The following MACROD2 variants were observed in gnomAD, a reference collection of about 807,000 sequenced individuals.
MACROD2 encodes mono-ADP ribosylhydrolase 2.
A neutral mutation model predicts 70.4 loss-of-function variants in MACROD2; 36 were observed. The ratio of observed to expected loss-of-function variants is 0.51; its 90% CI spans 0.39 to 0.68. The LOEUF is 0.68. Ranked by LOEUF, MACROD2 falls within the 30% of genes least tolerant of loss-of-function variation. The probability of loss-of-function intolerance (pLI) is 0.00; values close to 1 mark genes in which losing one functional copy is unlikely to be tolerated. For synonymous variants in MACROD2, 172 were observed against 178.8 expected (o/e 0.96, Z 0.30); for missense variants, 496 against 538.4 (o/e 0.92, Z 0.78).
chr20:15,068,400 T>A (rs1404365426), intron 5 of MACROD2, among the ~76,000 whole-genome samples: 1 of 152,214 alleles, frequency 6.6e-6, no homozygotes, highest in Non-Finnish European at 1.5e-5. Context: ...AGAAATGTTT[T>A]GTGAACAAAT....
At chr20:15,481,685 TAA>T (rs571250513) in intron 7 of MACROD2, among the ~76,000 whole-genome samples, 1 of 145,246 alleles carries the variant, frequency 6.9e-6, no homozygotes, top group African/African-American at 2.5e-5. Flanking sequence ...AAATAAACAT[TAA>T]AAAAAAAAAA....
intron 7 of MACROD2, among the ~76,000 whole-genome samples, chr20:15,461,006 A>ATATATATATATATATATTTT: frequency 2.3e-3 from 156 of 66,878 alleles, no homozygotes; most frequent in Middle Eastern, 8.8e-3. Flanking sequence ...ATATATATAT[A>ATATATATATATATATATTTT]TTTTTTTTTA....
At chr20:15,424,574 G>A (rs1193522709) in intron 6 of MACROD2, among the ~76,000 whole-genome samples, 1 of 152,120 alleles carries the variant, frequency 6.6e-6, no homozygotes, top group Non-Finnish European at 1.5e-5. Flanking sequence ...AAACAAATTA[G>A]CCAGATGTGG....
chr20:15,061,627 C>G (rs1400093547), intron 5 of MACROD2, among the ~76,000 whole-genome samples: 1 of 152,168 alleles, frequency 6.6e-6, no homozygotes, highest in African/African-American at 2.4e-5. Context: ...AATGCCTTCT[C>G]CATGGCTCTT....
intron 5 of MACROD2, among the ~76,000 whole-genome samples, chr20:14,890,811 G>A (rs1183050323): frequency 1.3e-5 from 2 of 151,052 alleles, no homozygotes; most frequent in African/African-American, 4.9e-5. Flanking sequence ...AAGAAATTCT[G>A]TTGAAAGGTA....
chr20:15,259,266 G>A (rs1039200889), intron 6 of MACROD2, among the ~76,000 whole-genome samples: 4 of 151,990 alleles, frequency 2.6e-5, no homozygotes, highest in African/African-American at 9.7e-5. Flanking sequence ...TCCTCACTGG[G>A]CTTTGTTAAG....
At chr20:14,402,359 CT>C (rs1310714425) in intron 3 of MACROD2, among the ~76,000 whole-genome samples, 2 of 152,166 alleles carry the variant, frequency 1.3e-5, no homozygotes, top group Non-Finnish European at 2.9e-5. Context: ...CATTCATTTG[CT>C]GCTCATCCTT....
At chr20:14,883,678 G>C (rs961089301) in intron 5 of MACROD2, among the ~76,000 whole-genome samples, 10 of 151,990 alleles carry the variant, frequency 6.6e-5, no homozygotes, top group Admixed American at 6.6e-4. Context: ...CATGCATATA[G>C]TGTCCCCTGA....
chr20:15,405,833 T>C (rs1458858768), intron 6 of MACROD2, among the ~76,000 whole-genome samples: 1 of 152,208 alleles, frequency 6.6e-6, no homozygotes, highest in Non-Finnish European at 1.5e-5. Flanking sequence ...TGTAATTCTT[T>C]CACTCAGTTG....
intron 5 of MACROD2, among the ~76,000 whole-genome samples, chr20:15,149,071 C>T (rs2076250653): frequency 6.6e-6 from 1 of 151,974 alleles, no homozygotes; most frequent in Admixed American, 6.6e-5. Flanking sequence ...AAGTGTCTAC[C>T]TAGACTAAGA....
At chr20:14,073,793 A>G (rs1194003752) in intron 2 of MACROD2, among the ~76,000 whole-genome samples, 1 of 152,210 alleles carries the variant, frequency 6.6e-6, no homozygotes, top group African/African-American at 2.4e-5. Flanking sequence ...AATAATAAAT[A>G]TTACCCTCAG....
intron 3 of MACROD2, among the ~76,000 whole-genome samples, chr20:14,398,748 T>A (rs1336728731): frequency 6.6e-6 from 1 of 152,162 alleles, no homozygotes; most frequent in African/African-American, 2.4e-5. Flanking sequence ...TCTTTTGTTG[T>A]TAATAGTCAA....
intron 5 of MACROD2, among the ~76,000 whole-genome samples, chr20:15,064,818 T>C (rs2075561082): frequency 6.6e-6 from 1 of 152,206 alleles, no homozygotes; most frequent in African/African-American, 2.4e-5. Flanking sequence ...TATGCACTTA[T>C]GTCCAAGTTT....
At chr20:15,770,089 C>A (rs79059655) in intron 8 of MACROD2, among the ~76,000 whole-genome samples, 137 of 44,406 alleles carry the variant, frequency 3.1e-3, no homozygotes, top group African/African-American at 8.6e-3. Flanking sequence ...TTTTAATTTT[C>A]TTTTTTTTTT....
intron 4 of MACROD2, among the ~76,000 whole-genome samples, chr20:14,613,125 CAG>C (rs1417422560): frequency 6.6e-6 from 1 of 151,996 alleles, no homozygotes; most frequent in Non-Finnish European, 1.5e-5. Flanking sequence ...GTATTAAAAA[CAG>C]GGGTATAGTG....
chr20:14,228,256 T>C (rs1398481815), intron 3 of MACROD2, among the ~76,000 whole-genome samples: 1 of 152,014 alleles, frequency 6.6e-6, no homozygotes, highest in Non-Finnish European at 1.5e-5. Context: ...TTAGGGAATC[T>C]GGAAGTCTGT....
rs1326804972 is a variant in MACROD2 at position 14,862,372 on chromosome 20, AAT to A, written c.418+177423_418+177424del. On this transcript the variant is annotated intron_variant, in intron 5 of 17. Coordinates refer to ENST00000684519, the MANE Select transcript of MACROD2 (RefSeq NM_001351661.2). ...AAAAATATATATATAAATATATATA[AAT>A]ATATATATAAATATATATAAATATA... is the stretch of plus-strand genomic sequence containing the variant. Among the ~76,000 whole-genome samples, 13 of 14,546 alleles carry A rather than the reference AAT, an allele frequency of 8.9e-4. 1 individual carries two copies. Among genetic ancestry groups the A allele is most frequent in the Non-Finnish European group, 1.3e-3 (13 of 9,858 alleles). The allele number at this position is 14,546 out of a possible 152,430, so 9.5% of individuals were successfully genotyped here.
intron 15 of MACROD2, among the ~76,000 whole-genome samples, chr20:16,012,795 A>G (rs2066880718): frequency 6.6e-6 from 1 of 152,232 alleles, no homozygotes; most frequent in East Asian, 1.9e-4. Context: ...GAAGGCAGGA[A>G]GTGTAACAAG....
intron 6 of MACROD2, among the ~76,000 whole-genome samples, chr20:15,286,248 G>A (rs1025065515): frequency 1.3e-5 from 2 of 152,136 alleles, no homozygotes; most frequent in African/African-American, 4.8e-5. Flanking sequence ...AGTGAGTAAT[G>A]TGTTGGATCT....
Sources: allele counts gnomAD v4.1 joint callset (sites outside exome capture counted in the v4.1 genomes callset), GRCh38; gene constraint gnomAD v4.1.1; transcripts MANE v1.5; gene names NCBI Gene and HGNC (gene_info 2026-07-23, HGNC 2026-07-21).